The following KYAT3 variants were observed in gnomAD, a reference collection of about 807,000 sequenced individuals.
KYAT3 encodes the protein kynurenine--oxoglutarate transaminase 3.
In KYAT3, 50 loss-of-function variants were observed where a neutral mutation model predicts 59.0. That is an observed-to-expected ratio of 0.85 (90% confidence interval 0.68 to 1.07). KYAT3 has a LOEUF of 1.07. Among genes scored for constraint, KYAT3 ranks in the 50% least tolerant of loss-of-function variants. The pLI is 0.00. For missense variants in KYAT3, 497 were observed against 533.3 expected, an observed-to-expected ratio of 0.93 and a Z score of 0.67; for synonymous variants, 148 against 177.0, an observed-to-expected ratio of 0.84 and a Z score of 1.30.
Position 88,943,086 on chromosome 1 carries a change from T to TA in KYAT3, c.1220dup (p.Ser408IlefsTer10). On this transcript the variant is annotated frameshift_variant, in exon 13 of 14. Transcript: ENST00000260508. LOFTEE classifies it high-confidence loss of function. Reference sequence around the variant, plus strand: ...AGAATGCTGAAACGGGGATGGCTGATAGTTTCTGAAAAATAAATAGAAACA... The same window carrying TA: ...AGAATGCTGAAACGGGGATGGCTGATAAGTTTCTGAAAAATAAATAGAAACA... 6.2e-7 allele frequency: 1 copy of TA among 1,608,440 alleles called. No homozygotes were observed. The highest frequency in any genetic ancestry group is 8.5e-7 in the Non-Finnish European group (1 of 1,175,934).
At chr1:88,984,930 T>C (rs1015304283) in intron 2 of KYAT3, among the ~76,000 whole-genome samples, 2 of 152,270 alleles carry the variant, frequency 1.3e-5, no homozygotes, top group African/African-American at 4.8e-5. Context: ...GTACTGGTTA[T>C]AACTTCTGTC....
chr1:88,952,927 C>A, intron 10 of KYAT3, 136 bp downstream of exon 10: 2 of 582,464 alleles, frequency 3.4e-6, no homozygotes, highest in South Asian at 2.4e-5. Context: ...GTATCTGCTC[C>A]CCAAATTCCA....
At chr1:88,941,623 C>T (rs1675239258) in intron 13 of KYAT3, among the ~76,000 whole-genome samples, 1 of 151,902 alleles carries the variant, frequency 6.6e-6, no homozygotes, top group East Asian at 1.9e-4. Flanking sequence ...AACATTTCTA[C>T]CTGGACGTGC....
chr1:88,935,609 A>G (rs377450138), downstream of KYAT3, among the ~76,000 whole-genome samples: 3 of 152,194 alleles, frequency 2.0e-5, no homozygotes, highest in African/African-American at 7.2e-5. Context: ...ACCTGAAGCC[A>G]CCGCAAATAA....
Position 88,943,026 on chromosome 1 carries a change from A to G in KYAT3, c.1281T>C (p.Phe427=). The change falls in exon 13 of 14, where the codon TTT becomes TTC. Residue 427 remains phenylalanine, a synonymous_variant. Coordinates refer to ENST00000260508, the MANE Select transcript of KYAT3 (RefSeq NM_001008661.3). ...NSETKSQFEK[F]VRFCFIKKDS... is the part of the protein sequence containing the mutation. ...TTACTTTAATGAAGCAAAAACGCAC[A>G]AACTTCTCAAACTGTGATTTAGTCT... 3 of 1,613,358 alleles carry G rather than the reference A, an allele frequency of 1.9e-6. No homozygotes were observed. Among genetic ancestry groups the G allele is most frequent in the Non-Finnish European group, 2.5e-6 (3 of 1,179,590 alleles).
At chr1:88,972,720 T>C (rs1021385107) in intron 2 of KYAT3, among the ~76,000 whole-genome samples, 3 of 152,242 alleles carry the variant, frequency 2.0e-5, no homozygotes, top group African/African-American at 7.2e-5. Flanking sequence ...AAGAGGCTCT[T>C]AAAAGGTTCT....
chr1:88,949,199 C>G lies in KYAT3; in HGVS notation c.1033G>C (p.Glu345Gln). Reference sequence around the variant, plus strand: ...ATCCGATCTCTTTTTACTTCTAACTCTTTTGGCAAAGAATTAAAGTAACAT... The same window carrying G: ...ATCCGATCTCTTTTTACTTCTAACTGTTTTGGCAAAGAATTAAAGTAACAT... ...PECYFNSLPK[E>Q]LEVKRDRMVR... Residue 345 changes from glutamate (E) to glutamine (Q), a missense_variant, in exon 11 of 14, where the codon GAG becomes CAG. Around this residue, in one of 2 missense-constraint regions of KYAT3, gnomAD observed 469 missense variants for 479.1 expected, o/e 0.98. Coordinates refer to ENST00000260508, the MANE Select transcript of KYAT3 (RefSeq NM_001008661.3). The G allele has an allele frequency of 1.2e-6, 2 of 1,610,482 alleles. No individual in the cohort carries two copies. The highest frequency in any genetic ancestry group is 1.7e-6 in the Non-Finnish European group (2 of 1,178,760).
rs908141056 is a variant in KYAT3, at chr1:88,964,929, T to C, written c.353A>G (p.Tyr118Cys). The C allele has an allele frequency of 6.2e-7, 1 of 1,610,728 alleles. No homozygotes were observed. Among genetic ancestry groups the C allele is most frequent in the Admixed American group, 1.7e-5 (1 of 59,162 alleles). ...TTTATTTGAATCAATTTGCTTTTGA[T>C]AAAGCTTTTCATACAGATAGGACAG... Reference protein sequence around the residue: ...KALSYLYEKLYQKQIDSNKEI... With the variant: ...KALSYLYEKLCQKQIDSNKEI... Residue 118 changes from tyrosine (Y) to cysteine (C), a missense_variant, in exon 5 of 14, where the codon TAT (tyrosine) becomes TGT (cysteine). Physicochemically the swap from Tyr to Cys is radical, Grantham distance 194. This residue lies in a region of KYAT3 where 469 missense variants were observed against 479.1 expected (regional missense o/e 0.98). Transcript: ENST00000260508.
chr1:88,922,239 T>G, the KYAT3 span, among the ~76,000 whole-genome samples: 1 of 151,930 alleles, frequency 6.6e-6, no homozygotes, highest in Admixed American at 6.6e-5. Flanking sequence ...AAAAGCATGC[T>G]TGAACACCAG....
rs7550082 is a variant in KYAT3, at chr1:88,977,875, C to T, written c.100-8408G>A. On this transcript the variant is annotated intron_variant, in intron 2 of 13. Transcript: ENST00000260508. ...TAGATATGCAAATACCATTATGTTA[C>T]AGTTGCCTGTAGTATTAAGTACAGT... Among the ~76,000 whole-genome samples, 142 of 152,218 alleles carry T rather than the reference C, an allele frequency of 9.3e-4. 1 individual carries two copies. The highest frequency in any genetic ancestry group is 3.2e-3 in the African/African-American group (133 of 41,500).
At position 88,974,236 on chromosome 1, in the gene KYAT3, A is replaced by T. The variant is rs533030147; in HGVS notation, c.100-4769T>A. On this transcript the variant is annotated intron_variant, in intron 2 of 13. Coordinates refer to ENST00000260508, the MANE Select transcript of KYAT3 (RefSeq NM_001008661.3). The stretch of plus-strand genomic sequence containing the variant: ...ATGTTACTGTCTTTTAGATCTATGA[A>T]GTGGGGATTTGTAGTTGCAATCATG... Among the ~76,000 whole-genome samples, 144 of 152,248 alleles carry T rather than the reference A, an allele frequency of 9.5e-4. 1 individual carries two copies. Among genetic ancestry groups the T allele is most frequent in the African/African-American group, 3.3e-3 (138 of 41,538 alleles).
intron 8 of KYAT3, among the ~76,000 whole-genome samples, chr1:88,958,193 T>G (rs1037457137): frequency 2.6e-5 from 4 of 152,186 alleles, no homozygotes; most frequent in Non-Finnish European, 5.9e-5. Flanking sequence ...AGGAATTCCC[T>G]TTGCTCAGCC....
At chr1:88,969,547 T>A in intron 2 of KYAT3, 80 bp from the exon 3 acceptor site, 1 of 749,456 alleles carries the variant, frequency 1.3e-6, no homozygotes. Context: ...CTCTTCTTCC[T>A]TTTCCCTACT....
intron 8 of KYAT3, 22 bp downstream of exon 8, chr1:88,961,144 TG>T: frequency 6.2e-7 from 1 of 1,612,014 alleles, no homozygotes; most frequent in Non-Finnish European, 8.5e-7. Flanking sequence ...TTTAGATATG[TG>T]ACTCTGTGTT....
At chr1:88,984,173 T>C (rs1319670735) in intron 2 of KYAT3, 2 of 229,772 alleles carry the variant, frequency 8.7e-6, no homozygotes, top group Non-Finnish European at 1.7e-5. Flanking sequence ...CTCAAAAGTG[T>C]GTATAATTAA....
At chr1:88,953,545 C>CAAAA (rs67537454) in intron 9 of KYAT3, among the ~76,000 whole-genome samples, 1 of 100,906 alleles carries the variant, frequency 9.9e-6, no homozygotes, top group African/African-American at 3.5e-5. Context: ...GACTCTATCT[C>CAAAA]AAAAAAAAAA....
At chr1:88,939,347 A>G (rs570095981) in intron 13 of KYAT3, among the ~76,000 whole-genome samples, 1 of 152,248 alleles carries the variant, frequency 6.6e-6, no homozygotes, top group South Asian at 2.1e-4. Flanking sequence ...TAGTCTTTCT[A>G]AGAGGTGGAG....
intron 9 of KYAT3, among the ~76,000 whole-genome samples, chr1:88,954,237 G>A (rs1297858912): frequency 6.6e-6 from 1 of 152,154 alleles, no homozygotes; most frequent in African/African-American, 2.4e-5. Context: ...GAGAGGTGAG[G>A]CTGGAAGAGA....
intron 8 of KYAT3, 101 bp from the exon 9 acceptor site, chr1:88,955,326 G>A: frequency 1.4e-6 from 1 of 723,300 alleles, no homozygotes; most frequent in Non-Finnish European, 2.3e-6. Flanking sequence ...ATGAAAATAA[G>A]TGTGTTATAA....
Sources: gnomAD v4.1 joint callset for allele counts (sites outside exome capture counted in the v4.1 genomes callset) on GRCh38, gnomAD v4.1.1 for gene constraint, gnomAD v4.1.1 regional missense constraint, MANE v1.5 for transcripts, NCBI Gene and HGNC (gene_info 2026-07-23, HGNC 2026-07-21) for gene names.